The following FGF13 variants were observed in gnomAD, a reference collection of about 807,000 sequenced individuals.
The protein encoded by FGF13 is fibroblast growth factor 13.
FGF13 carries 2 observed loss-of-function variants against 19.5 expected under a neutral mutation model. The observed-to-expected ratio is 0.10, with a 90% CI of 0.04 to 0.32. FGF13 has a LOEUF of 0.32. Ranked by LOEUF, FGF13 falls within the 10% of genes least tolerant of loss-of-function variation. The pLI is 1.00. For missense variants in FGF13, 113 were observed against 192.7 expected (o/e 0.59, Z 2.45); for synonymous variants, 72 against 76.9 (o/e 0.94, Z 0.33).
intron 1 of FGF13, among the ~76,000 whole-genome samples, chrX:138,725,281 T>TC (rs1215013703): frequency 9.0e-6 from 1 of 111,474 alleles, no homozygotes; most frequent in East Asian, 2.8e-4. Context: ...AGTCTTTTTT[T>TC]CCCTCTAACT....
intron 3 of FGF13, among the ~76,000 whole-genome samples, chrX:138,699,819 C>T (rs1035021861): frequency 1.8e-5 from 2 of 111,586 alleles, no homozygotes; most frequent in African/African-American, 3.3e-5. Context: ...TGATAACTCC[C>T]GAGTTTTATT....
chrX:138,934,404 G>A (rs748485509), intron 1 of FGF13, among the ~76,000 whole-genome samples: 1 of 112,234 alleles, frequency 8.9e-6, no homozygotes, highest in South Asian at 3.8e-4. Flanking sequence ...TCTAAAAAGT[G>A]CTTGGTTTGG....
At chrX:138,986,083 A>G (rs751215925) in intron 1 of FGF13, among the ~76,000 whole-genome samples, 2 of 112,157 alleles carry the variant, frequency 1.8e-5, no homozygotes, top group East Asian at 5.6e-4. Context: ...CACTCATTTG[A>G]CAGATGAAGA....
intron 3 of FGF13, among the ~76,000 whole-genome samples, chrX:138,850,524 T>A (rs2091214344): frequency 8.9e-6 from 1 of 112,027 alleles, no homozygotes; most frequent in African/African-American, 3.2e-5. Flanking sequence ...TGGACTAATA[T>A]TTTTTTATCT....
At position 138,841,976 on chromosome X, in the gene FGF13, G is replaced by A. The variant is rs747512500; in HGVS notation, c.217+15536C>T. ...CCATTATAGGTACCCAATGTTAGTC[G>A]AGTCTGAATAGTTAGCTTGAATGTT... On this transcript the variant is annotated intron_variant, in intron 3 of 6. Coordinates refer to the FGF13 transcript ENST00000436198. Among the ~76,000 whole-genome samples the A allele has an allele frequency of 7.2e-5, 8 of 111,624 alleles. No homozygotes were observed. In the East Asian group the frequency reaches 2.0e-3, roughly 28 times the overall value.
chrX:138,816,287 G>A (rs2090961214), intron 3 of FGF13, among the ~76,000 whole-genome samples: 1 of 111,675 alleles, frequency 9.0e-6, no homozygotes, highest in Non-Finnish European at 1.9e-5. Context: ...AAACTACACT[G>A]ATAACTAGTT....
intron 1 of FGF13, among the ~76,000 whole-genome samples, chrX:139,107,272 G>T (rs746658227): frequency 8.9e-6 from 1 of 111,942 alleles, no homozygotes; most frequent in Non-Finnish European, 1.9e-5. Flanking sequence ...GAAGCATATT[G>T]TGACTTGCTC....
intron 1 of FGF13, among the ~76,000 whole-genome samples, chrX:139,015,088 T>A (rs1373455351): frequency 9.0e-6 from 1 of 111,221 alleles, no homozygotes; most frequent in East Asian, 2.8e-4. Flanking sequence ...AAACCATATA[T>A]GACCAACACA....
At chrX:139,059,050 GAAAA>G (rs376761903) in intron 1 of FGF13, among the ~76,000 whole-genome samples, 66 of 111,409 alleles carry the variant, frequency 5.9e-4, no homozygotes, top group African/African-American at 2.1e-3. Flanking sequence ...GGTGGAGAAA[GAAAA>G]AAGTCTTTTA....
At chrX:139,028,070 G>T (rs923069531) in intron 1 of FGF13, among the ~76,000 whole-genome samples, 1 of 111,576 alleles carries the variant, frequency 9.0e-6, no homozygotes, top group Non-Finnish European at 1.9e-5. Context: ...TCCTCCAATT[G>T]TACTTGTCTA....
At chrX:139,008,469 C>T (rs770856970) in intron 1 of FGF13, among the ~76,000 whole-genome samples, 2 of 112,380 alleles carry the variant, frequency 1.8e-5, no homozygotes, top group Admixed American at 1.9e-4. Flanking sequence ...CTACCTTCAC[C>T]GGAGCAGGTG....
chrX:138,920,152 A>AC (rs1350471454), intron 1 of FGF13, among the ~76,000 whole-genome samples: 1 of 111,333 alleles, frequency 9.0e-6, no homozygotes, highest in Non-Finnish European at 1.9e-5. Context: ...TGTATGTTTA[A>AC]ATTATTTTGT....
intron 3 of FGF13, among the ~76,000 whole-genome samples, chrX:138,668,931 A>T (rs909646125): frequency 7.2e-5 from 8 of 111,110 alleles, no homozygotes; most frequent in African/African-American, 2.6e-4. Context: ...TAGCAGGAGG[A>T]GTTCATGGAT....
At chrX:139,095,553 A>C (rs1433252613) in intron 1 of FGF13, among the ~76,000 whole-genome samples, 2 of 111,056 alleles carry the variant, frequency 1.8e-5, no homozygotes, top group African/African-American at 6.6e-5. Flanking sequence ...TTGAATCTCA[A>C]CTCCTCCATT....
chrX:139,129,034 G>A (rs1304369776), intron 1 of FGF13, among the ~76,000 whole-genome samples: 1 of 107,607 alleles, frequency 9.3e-6, no homozygotes, highest in Non-Finnish European at 1.9e-5. Flanking sequence ...TGGTGGGGGA[G>A]GGGGGAGCTC....
chrX:138,704,243 T>TA lies in FGF13; in HGVS notation c.299-1157dup, dbSNP rs1457914749. Among the ~76,000 whole-genome samples the TA allele has an allele frequency of 1.1e-4, 12 of 111,699 alleles. No homozygotes were observed. The Admixed American group carries it at 1.1e-3, about 11-fold the overall frequency. On this transcript the variant is annotated intron_variant, in intron 2 of 4. Coordinates refer to ENST00000315930, the MANE Select transcript of FGF13 (RefSeq NM_004114.5). ...TTTGAAGATCTGACTGCGTGAAACT[T>TA]ACACCCAGGCTTTCCTCACAACCAC...
chrX:139,011,929 T>C (rs994903582), intron 1 of FGF13, among the ~76,000 whole-genome samples: 1 of 111,114 alleles, frequency 9.0e-6, no homozygotes, highest in Non-Finnish European at 1.9e-5. Context: ...TATGATCGTA[T>C]ACCTAGAAAA....
upstream of FGF13, among the ~76,000 whole-genome samples, chrX:138,713,829 A>T (rs372263306): frequency 2.4e-4 from 27 of 111,695 alleles, no homozygotes; most frequent in African/African-American, 8.8e-4. Context: ...TGGCGGGGGC[A>T]TTTATTACAA....
intron 3 of FGF13, among the ~76,000 whole-genome samples, chrX:138,682,216 T>G (rs1039882197): frequency 8.9e-6 from 1 of 112,491 alleles, no homozygotes; most frequent in African/African-American, 3.2e-5. Context: ...TCTAACTCTG[T>G]ATACAAGGAA....
Sources: allele counts gnomAD v4.1 joint callset (sites outside exome capture counted in the v4.1 genomes callset), GRCh38; gene constraint gnomAD v4.1.1; transcripts MANE v1.5; gene names NCBI Gene and HGNC (gene_info 2026-07-23, HGNC 2026-07-21).